AS3MT: variants seen among roughly 807,000 people sequenced by gnomAD.
The protein encoded by AS3MT is S-adenosyl-L-methionine:arsenic(III) methyltransferase.
AS3MT carries 47 observed loss-of-function variants against 45.3 expected under a neutral mutation model. That is an observed-to-expected ratio of 1.04 (90% CI 0.82 to 1.32). AS3MT has a LOEUF of 1.32. Among genes scored for constraint, AS3MT ranks in the 40% most tolerant of loss-of-function variants. The pLI, the probability that AS3MT is intolerant of heterozygous loss-of-function variation, is 0.00. For synonymous variants in AS3MT, 141 were observed against 152.8 expected (o/e 0.92, Z 0.57); for missense variants, 396 against 451.1 (o/e 0.88, Z 1.11).
At position 102,901,663 on chromosome 10, in the gene AS3MT, A is replaced by G. The variant is rs1468276867; in HGVS notation, c.*963A>G. ...CAAGAAGCAGGAAAGGCATCAGAAG[A>G]AGTAACAGTTGGCAGAGGGTCTCAG... On this transcript the variant is annotated 3_prime_UTR_variant, in exon 11 of 11. Transcript: ENST00000369880. 1 of 152,198 alleles carries G rather than the reference A, an allele frequency of 6.6e-6. No homozygotes were observed. The highest frequency in any genetic ancestry group is 1.5e-5 in the Non-Finnish European group (1 of 68,040). 9.4% of individuals were successfully genotyped at this position (152,198 alleles called of 1,614,324 possible).
chr10:102,872,008 G>A lies in AS3MT; in HGVS notation c.171-440G>A, dbSNP rs1235419798. ...AGCCATTCTCCTGCCTCAGCCTCCC[G>A]AGGAGCTGGGATTACAGGTACCTGC... is the stretch of plus-strand genomic sequence containing the variant. On this transcript the variant is annotated intron_variant, in intron 3 of 10. Transcript: ENST00000369880. Among the ~76,000 whole-genome samples, 8 of 151,906 alleles carry A rather than the reference G, an allele frequency of 5.3e-5. No homozygotes were observed. The East Asian group carries it at 7.8e-4, about 15-fold the overall frequency.
intron 10 of AS3MT, among the ~76,000 whole-genome samples, chr10:102,896,800 C>A (rs1202917383): frequency 2.1e-5 from 3 of 142,944 alleles, no homozygotes; most frequent in African/African-American, 7.7e-5. Flanking sequence ...CAGAGTGAGA[C>A]TCCATCTCAA....
Position 102,869,813 on chromosome 10 carries a change from C to T in AS3MT, c.10C>T (p.Leu4Phe). ...TTTCCCGCTCCCGACAGTGGCTGCACTTCGTGACGCTGAGATACAGAAGGA... is the reference window on the plus strand; with the variant it reads ...TTTCCCGCTCCCGACAGTGGCTGCATTTCGTGACGCTGAGATACAGAAGGA... The part of the protein sequence containing the change: MAA[L>F]RDAEIQKDVQ... The change falls in exon 2 of 11, where the codon CTT becomes TTT. Residue 4 changes from leucine (L) to phenylalanine (F), a missense_variant. Leu to Phe is a conservative substitution (Grantham distance 22). Transcript: ENST00000369880. 2 of 1,614,164 alleles carry T rather than the reference C, an allele frequency of 1.2e-6. No homozygotes were observed. Among genetic ancestry groups the T allele is most frequent in the Non-Finnish European group, 1.7e-6 (2 of 1,180,046 alleles).
rs748007829 is a variant in AS3MT at position 102,874,664 on chromosome 10, G to A, written c.528+3G>A. 6.2e-7 allele frequency: 1 copy of A among 1,601,198 alleles called. No homozygotes were observed. The highest frequency in any genetic ancestry group is 2.2e-5 in the East Asian group (1 of 44,470). On this transcript the variant is annotated splice_donor_region_variant and intron_variant, in intron 6 of 10. Coordinates refer to ENST00000369880, the MANE Select transcript of AS3MT (RefSeq NM_020682.4). Reference sequence around the variant, plus strand: ...AGGAGGCATATCGGGTGCTGAAGGTGAGGAGGAGAGTGAGATAAATTATCT... The same window carrying A: ...AGGAGGCATATCGGGTGCTGAAGGTAAGGAGGAGAGTGAGATAAATTATCT...
intron 6 of AS3MT, among the ~76,000 whole-genome samples, chr10:102,876,551 T>C (rs1255251459): frequency 6.6e-6 from 1 of 152,112 alleles, no homozygotes; most frequent in Non-Finnish European, 1.5e-5. Context: ...TCATTGGGAT[T>C]AGAGGCCTGA....
intron 9 of AS3MT, among the ~76,000 whole-genome samples, chr10:102,882,842 C>T (rs1411372489): frequency 2.0e-5 from 3 of 152,028 alleles, no homozygotes; most frequent in East Asian, 1.9e-4. Context: ...CTACCCGCCT[C>T]GGCCTCCCAA....
intron 1 of AS3MT, 94 bp from the exon 2 acceptor site, chr10:102,869,711 C>A (rs1844643641): frequency 6.2e-7 from 1 of 1,610,684 alleles, no homozygotes; most frequent in Non-Finnish European, 8.5e-7. Flanking sequence ...CCTCCCCTCA[C>A]CCCTCGGCCC....
intron 10 of AS3MT, among the ~76,000 whole-genome samples, chr10:102,892,902 C>T (rs375045305): frequency 6.8e-4 from 103 of 151,916 alleles, no homozygotes; most frequent in African/African-American, 2.2e-3. Context: ...ATTGCTTGAG[C>T]CCGGGAGGCG....
At chr10:102,897,309 G>A (rs1004037713) in intron 10 of AS3MT, among the ~76,000 whole-genome samples, 7 of 151,342 alleles carry the variant, frequency 4.6e-5, no homozygotes, top group Admixed American at 6.6e-5. Flanking sequence ...GCGTGAACCC[G>A]GGAGGCGGAG....
rs1296635153 is a variant in AS3MT, at chr10:102,874,637, T to G, written c.504T>G (p.Leu168=). The G allele has an allele frequency of 6.2e-7, 1 of 1,610,222 alleles. No homozygotes were observed. Among genetic ancestry groups the G allele is most frequent in the Admixed American group, 1.7e-5 (1 of 59,886 alleles). Residue 168 remains leucine, a synonymous_variant, in exon 6 of 11, where the codon CTT becomes CTG. Coordinates refer to ENST00000369880, the MANE Select transcript of AS3MT (RefSeq NM_020682.4). ...INLVPDKQQV[L]QEAYRVLKHG... is the part of the protein sequence containing the mutation. ...TTGTGCCTGATAAACAACAAGTGCT[T>G]CAGGAGGCATATCGGGTGCTGAAGG...
chr10:102,874,559 G>T (rs1362386431), intron 5 of AS3MT, 33 bp from the exon 6 acceptor site: 11 of 1,485,220 alleles, frequency 7.4e-6, no homozygotes, highest in Non-Finnish European at 1.0e-5. Flanking sequence ...GTGTTGTGAA[G>T]ATTTGCTCGA....
chr10:102,877,760 T>TG (rs1471260417), intron 7 of AS3MT, among the ~76,000 whole-genome samples: 2 of 144,300 alleles, frequency 1.4e-5, no homozygotes, highest in Non-Finnish European at 3.0e-5. Context: ...TTTTTTTTTT[T>TG]TTTTTTTTTT....
chr10:102,869,930 T>C, intron 2 of AS3MT, 85 bp downstream of exon 2: 1 of 1,584,618 alleles, frequency 6.3e-7, no homozygotes. Context: ...CCCCCGGGAC[T>C]CCTGGAGTCG....
chr10:102,891,276 C>T (rs535350200), intron 10 of AS3MT, among the ~76,000 whole-genome samples: 28 of 152,340 alleles, frequency 1.8e-4, no homozygotes, highest in Admixed American at 1.7e-3. Context: ...ACCTAATGAT[C>T]GCCTGACATT....
Position 102,876,815 on chromosome 10 carries a change from G to A in AS3MT, c.529-139G>A. 3 of 799,858 alleles carry A rather than the reference G, an allele frequency of 3.8e-6. No homozygotes were observed. In the Admixed American group the frequency reaches 7.5e-5, roughly 20 times the overall value. The allele number at this position is 799,858 out of a possible 1,614,324, so 49.5% of individuals were successfully genotyped here. On this transcript the variant is annotated intron_variant, in intron 6 of 10. Transcript: ENST00000369880. ...ATTGATTGTAACTAAAGAGGCAGCT[G>A]CTATTTGTTCACAAAGGGTCAGCTT...
chr10:102,879,768 CAAAAAA>C (rs1191489555), intron 9 of AS3MT, among the ~76,000 whole-genome samples: 1 of 60,710 alleles, frequency 1.6e-5, no homozygotes, highest in East Asian at 5.9e-4. Context: ...GACTCCATCT[CAAAAAA>C]AAAAAAAAAA....
chr10:102,880,616 C>T lies in AS3MT; in HGVS notation c.885+1625C>T, dbSNP rs759056458. Among the ~76,000 whole-genome samples, 96 of 152,228 alleles carry T rather than the reference C, an allele frequency of 6.3e-4. 2 individuals are homozygous for T. The highest frequency in any genetic ancestry group is 6.2e-4 in the Non-Finnish European group (42 of 68,018). On this transcript the variant is annotated intron_variant, in intron 9 of 10. Transcript: ENST00000369880. ...AAATCTATTGGATATTGTTTATGAA[C>T]GAAGTCCACGTTAAGCATTGGTCCT...
chr10:102,893,836 G>A (rs191442544), intron 10 of AS3MT, among the ~76,000 whole-genome samples: 94 of 151,974 alleles, frequency 6.2e-4, no homozygotes, highest in Non-Finnish European at 1.1e-3. Flanking sequence ...GTTTCACCAT[G>A]TTGGTCAGGC....
intron 6 of AS3MT, among the ~76,000 whole-genome samples, chr10:102,875,426 A>G (rs1844768316): frequency 7.0e-6 from 1 of 142,458 alleles, no homozygotes; most frequent in Non-Finnish European, 1.5e-5. Context: ...GCAGTGAGCC[A>G]GGATCGTGCC....
Sources: allele counts gnomAD v4.1 joint callset (sites outside exome capture counted in the v4.1 genomes callset), GRCh38; gene constraint gnomAD v4.1.1; transcripts MANE v1.5; gene names NCBI Gene and HGNC (gene_info 2026-07-23, HGNC 2026-07-21).